Variants in STK33 observed in about 807,000 individuals in gnomAD.
STK33 encodes serine/threonine kinase 33, also known as serine/threonine-protein kinase 33.
Under a neutral mutation model 58.0 loss-of-function variants are expected in STK33, and 52 were observed. The observed-to-expected ratio is 0.90, with a 90% CI of 0.72 to 1.13. The LOEUF (loss-of-function observed/expected upper bound fraction) is 1.13. Ranked by LOEUF, STK33 falls within the 50% of genes most tolerant of loss-of-function variation. The probability of loss-of-function intolerance (pLI) is 0.00; values close to 1 mark genes in which losing one functional copy is unlikely to be tolerated. For synonymous variants in STK33, 215 were observed against 200.1 expected, an observed-to-expected ratio of 1.07 and a Z score of -0.63; for missense variants, 630 against 604.2, an observed-to-expected ratio of 1.04 and a Z score of -0.45.
chr11:8,338,633 T>C, the STK33 span, among the ~76,000 whole-genome samples: 1 of 152,206 alleles, frequency 6.6e-6, no homozygotes, highest in Admixed American at 6.5e-5. Flanking sequence ...ATAATTATTG[T>C]AGAAACCACC....
the STK33 span, among the ~76,000 whole-genome samples, chr11:8,366,027 G>T: frequency 2.0e-5 from 3 of 152,234 alleles, no homozygotes; most frequent in East Asian, 5.8e-4. Flanking sequence ...TAAGTCTGAA[G>T]GAGCTGCAGG....
At chr11:8,387,396 A>C (rs1169917028), downstream of STK33, among the ~76,000 whole-genome samples, 5 of 152,184 alleles carry the variant, frequency 3.3e-5, no homozygotes, top group African/African-American at 1.2e-4. Flanking sequence ...GCTACTTCTT[A>C]GCTGTGTGAC....
At chr11:8,364,975 G>A in the STK33 span, among the ~76,000 whole-genome samples, 1 of 151,318 alleles carries the variant, frequency 6.6e-6, no homozygotes, top group African/African-American at 2.4e-5. Context: ...ACAAAGCTGG[G>A]AGCCTCTGAG....
chr11:8,484,024 C>T (rs1031794716), intron 1 of STK33, among the ~76,000 whole-genome samples: 5 of 152,130 alleles, frequency 3.3e-5, no homozygotes, highest in African/African-American at 1.2e-4. Context: ...AGTTATTCAA[C>T]ATTAAAATCT....
intron 11 of STK33, 75 bp downstream of exon 11, chr11:8,452,747 C>A: frequency 7.5e-7 from 1 of 1,331,082 alleles, no homozygotes; most frequent in Non-Finnish European, 1.1e-6. Flanking sequence ...AAGATCATGC[C>A]ACTGCACTCC....
At chr11:8,423,832 T>C (rs1468226187) in intron 14 of STK33, among the ~76,000 whole-genome samples, 5 of 152,064 alleles carry the variant, frequency 3.3e-5, no homozygotes, top group African/African-American at 9.7e-5. Flanking sequence ...TGCCAATTTC[T>C]CCATGCAATG....
the STK33 span, among the ~76,000 whole-genome samples, chr11:8,385,475 C>T: frequency 5.3e-5 from 8 of 152,204 alleles, no homozygotes; most frequent in Non-Finnish European, 7.3e-5. Context: ...CATCCCTCCC[C>T]GGCTCTTCCC....
intron 15 of STK33, among the ~76,000 whole-genome samples, chr11:8,405,256 A>G (rs916505880): frequency 6.6e-5 from 10 of 152,236 alleles, no homozygotes; most frequent in African/African-American, 2.4e-4. Context: ...TGGACTTGTT[A>G]GTTTTTAATT....
Position 8,445,671 on chromosome 11 carries a change from G to C in STK33, c.872-4918C>G, listed in dbSNP as rs575584180. On this transcript the variant is annotated intron_variant, in intron 11 of 15. Coordinates refer to ENST00000687296, the MANE Select transcript of STK33 (RefSeq NM_001352389.2). The stretch of plus-strand genomic sequence containing the variant: ...TTTTGTCTTTGGTTCTGTTTACGTG[G>C]TGGATTACATTTACTGATTTGCATA... Among the ~76,000 whole-genome samples the C allele has an allele frequency of 4.6e-5, 7 of 152,110 alleles. No homozygotes were observed. The East Asian group carries it at 1.2e-3, about 25-fold the overall frequency.
chr11:8,587,623 T>G lies in STK33; in HGVS notation c.-466+6460A>C, dbSNP rs186102685. 4.4e-3 allele frequency among the ~76,000 whole-genome samples: 664 copies of G among 151,840 alleles called. 3 individuals carry two copies. Among genetic ancestry groups the G allele is most frequent in the Middle Eastern group, 0.034 (10 of 294 alleles). On this transcript the variant is annotated intron_variant, in intron 1 of 15. Transcript: ENST00000687296. ...AAAAAAAAAGATGAAAAGTTCTTTCTTCCCTTGAAGATCATCATCTTTTCT... is the reference window on the plus strand; with the variant it reads ...AAAAAAAAAGATGAAAAGTTCTTTCGTCCCTTGAAGATCATCATCTTTTCT...
chr11:8,517,880 T>C (rs1163089330), intron 1 of STK33, among the ~76,000 whole-genome samples: 1 of 152,034 alleles, frequency 6.6e-6, no homozygotes, highest in African/African-American at 2.4e-5. Flanking sequence ...TACCTGAAAG[T>C]GAAGGGAAGA....
intron 1 of STK33, among the ~76,000 whole-genome samples, chr11:8,560,746 A>T (rs1957064034): frequency 6.6e-6 from 1 of 152,158 alleles, no homozygotes; most frequent in Non-Finnish European, 1.5e-5. Context: ...TAAGTACCTG[A>T]CACACATTAT....
rs202022863 is a variant in STK33, at chr11:8,468,878, G to C, written c.340-4056C>G. 1.6e-4 allele frequency among the ~76,000 whole-genome samples: 25 copies of C among 152,200 alleles called. No individual in the cohort carries two copies. In the East Asian group the frequency reaches 4.6e-3, roughly 28 times the overall value. ...AAAAATTGCAATAAAGCATATAAAAGTTATGTTTACACTATATTATAATCT... is the reference window on the plus strand; with the variant it reads ...AAAAATTGCAATAAAGCATATAAAACTTATGTTTACACTATATTATAATCT... On this transcript the variant is annotated intron_variant, in intron 6 of 15. Transcript: ENST00000687296.
the STK33 span, among the ~76,000 whole-genome samples, chr11:8,338,951 G>C: frequency 1.5e-4 from 23 of 152,288 alleles, no homozygotes; most frequent in African/African-American, 5.5e-4. Context: ...CTGAATGAAT[G>C]AACCTGCAAG....
At chr11:8,443,778 C>T (rs554666782) in intron 11 of STK33, among the ~76,000 whole-genome samples, 13 of 152,262 alleles carry the variant, frequency 8.5e-5, no homozygotes, top group Admixed American at 2.0e-4. Flanking sequence ...ACAGGAGGAT[C>T]GCTTGAACCC....
chr11:8,399,206 C>A (rs148864654), intron 15 of STK33, among the ~76,000 whole-genome samples: 2 of 152,092 alleles, frequency 1.3e-5, no homozygotes, highest in African/African-American at 4.8e-5. Context: ...AAATTGACCC[C>A]GTAGTTGGAA....
At chr11:8,574,194 G>A (rs1205730910) in intron 1 of STK33, among the ~76,000 whole-genome samples, 1 of 152,074 alleles carries the variant, frequency 6.6e-6, no homozygotes, top group East Asian at 1.9e-4. Context: ...CTATATACAC[G>A]CATACACAAA....
At chr11:8,406,224 AATCT>A (rs1939184673) in intron 15 of STK33, among the ~76,000 whole-genome samples, 1 of 151,906 alleles carries the variant, frequency 6.6e-6, no homozygotes, top group African/African-American at 2.4e-5. Context: ...TTGTTCTACT[AATCT>A]ATTTGTTTAT....
At chr11:8,343,036 G>T in the STK33 span, among the ~76,000 whole-genome samples, 5 of 152,216 alleles carry the variant, frequency 3.3e-5, no homozygotes, top group African/African-American at 7.2e-5. Context: ...TAAGAAGTCC[G>T]CTGGGAGAAG....
Sources: allele counts gnomAD v4.1 joint callset (sites outside exome capture counted in the v4.1 genomes callset), GRCh38; gene constraint gnomAD v4.1.1; transcripts MANE v1.5; gene names NCBI Gene and HGNC (gene_info 2026-07-23, HGNC 2026-07-21).